VDAC2: variants seen among roughly 807,000 people sequenced by gnomAD.
The protein encoded by VDAC2 is non-selective voltage-gated ion channel VDAC2.
VDAC2 carries 6 observed loss-of-function variants against 36.6 expected under a neutral mutation model. The ratio of observed to expected loss-of-function variants is 0.16; its 90% CI spans 0.09 to 0.32. The LOEUF (loss-of-function observed/expected upper bound fraction) is 0.32. VDAC2 is among the 10% of genes least tolerant of loss of function. VDAC2 has a pLI of 1.00. For missense variants in VDAC2, 247 were observed against 346.0 expected (o/e 0.71, Z 2.27); for synonymous variants, 109 against 123.8 (o/e 0.88, Z 0.79).
chr10:75,223,945 A>G (rs574942018), intron 8 of VDAC2, among the ~76,000 whole-genome samples: 4 of 152,324 alleles, frequency 2.6e-5, no homozygotes, highest in South Asian at 2.1e-4. Flanking sequence ...GTCCCTTCCT[A>G]TGTTTTGCAC....
At chr10:75,228,063 T>A (rs1842010502) in intron 8 of VDAC2, among the ~76,000 whole-genome samples, 1 of 151,342 alleles carries the variant, frequency 6.6e-6, no homozygotes, top group Admixed American at 6.6e-5. Context: ...CCCGGCTAAT[T>A]TTTTGTATTT....
intron 8 of VDAC2, among the ~76,000 whole-genome samples, chr10:75,229,129 G>C (rs936084558): frequency 1.2e-4 from 18 of 151,612 alleles, no homozygotes; most frequent in Admixed American, 8.5e-4. Flanking sequence ...TGTTTGATCT[G>C]ATTCTTCAGA....
intron 4 of VDAC2, among the ~76,000 whole-genome samples, chr10:75,215,655 A>G (rs867023746): frequency 2.0e-5 from 3 of 151,722 alleles, no homozygotes; most frequent in Non-Finnish European, 2.9e-5. Context: ...CCCGGCCTAT[A>G]TAGACATTTT....
rs576776850 is a variant in VDAC2, at chr10:75,213,891, G to A, written c.101-130G>A. The A allele has an allele frequency of 2.2e-5, 18 of 833,502 alleles. No homozygotes were observed. In the African/African-American group the frequency reaches 2.8e-4, roughly 13 times the overall value. The allele number at this position is 833,502 out of a possible 1,614,324, so 51.6% of individuals were successfully genotyped here. On this transcript the variant is annotated intron_variant, in intron 3 of 9. Coordinates refer to ENST00000332211, the MANE Select transcript of VDAC2 (RefSeq NM_001391963.1). ...TTTGTAACAATTTCATTTAAATATT[G>A]TATATTAACACATTTTTATCCACCT...
At chr10:75,219,493 A>C in intron 6 of VDAC2, 137 bp downstream of exon 6, 2 of 736,974 alleles carry the variant, frequency 2.7e-6, no homozygotes, top group Non-Finnish European at 4.3e-6. Flanking sequence ...GCTTTTATTT[A>C]TTTATTTGAG....
chr10:75,225,796 TTTTTG>T (rs145911980), intron 8 of VDAC2, among the ~76,000 whole-genome samples: 1,640 of 151,914 alleles, frequency 0.011, 34 homozygotes, highest in African/African-American at 0.037. Flanking sequence ...GAGTAGGTTT[TTTTTG>T]TTTTGTTTTG....
At chr10:75,223,678 T>C (rs1841882509) in intron 8 of VDAC2, among the ~76,000 whole-genome samples, 1 of 152,222 alleles carries the variant, frequency 6.6e-6, no homozygotes, top group South Asian at 2.1e-4. Context: ...TATCTTTTTG[T>C]ATGCTAATGA....
At chr10:75,227,181 T>G (rs547128333) in intron 8 of VDAC2, among the ~76,000 whole-genome samples, 1 of 152,318 alleles carries the variant, frequency 6.6e-6, no homozygotes, top group Non-Finnish European at 1.5e-5. Context: ...CTTTAAAATA[T>G]CCTATATAAC....
rs191282693 is a variant in VDAC2 at position 75,211,653 on chromosome 10, C to T, written c.31+464C>T. The T allele has an allele frequency of 1.6e-4, 254 of 1,550,508 alleles. No homozygotes were observed. In the African/African-American group the frequency reaches 3.0e-3, roughly 18 times the overall value. On this transcript the variant is annotated intron_variant, in intron 2 of 9. Coordinates refer to ENST00000332211, the MANE Select transcript of VDAC2 (RefSeq NM_001391963.1). The stretch of plus-strand genomic sequence containing the variant: ...CAGCATTGGCCGAGGACTTGAGAGT[C>T]ACATTAGTAAGTTTGAAGCGCTATT...
Position 75,222,325 on chromosome 10 carries a change from G to T in VDAC2, c.658G>T (p.Ala220Ser), listed in dbSNP as rs1387562577. The T allele has an allele frequency of 3.1e-6, 5 of 1,613,972 alleles. No individual in the cohort carries two copies. The highest frequency in any genetic ancestry group is 4.2e-6 in the Non-Finnish European group (5 of 1,179,988). Residue 220 changes from alanine (A) to serine (S), a missense_variant, in exon 8 of 10, where the codon GCT becomes TCT. Coordinates refer to ENST00000332211, the MANE Select transcript of VDAC2 (RefSeq NM_001391963.1). Reference protein sequence around the residue: ...CEDLDTSVNLAWTSGTNCTRF... With the variant: ...CEDLDTSVNLSWTSGTNCTRF... Reference sequence around the variant, plus strand: ...AGATCTTGACACTTCAGTAAACCTTGCTTGGACATCAGGTACCAACTGCAC... The same window carrying T: ...AGATCTTGACACTTCAGTAAACCTTTCTTGGACATCAGGTACCAACTGCAC...
At position 75,228,232 on chromosome 10, in the gene VDAC2, T is replaced by C. The variant is rs145469108; in HGVS notation, c.736-1412T>C. On this transcript the variant is annotated intron_variant, in intron 8 of 9. Transcript: ENST00000332211. ...TCTATCCAGCTGTCTGAGGCTCTTA[T>C]TTGTAGGGTACAAGATGGTCATTAG... Among the ~76,000 whole-genome samples, 22 of 151,772 alleles carry C rather than the reference T, an allele frequency of 1.4e-4. No individual in the cohort carries two copies. In the East Asian group the frequency reaches 4.1e-3, roughly 29 times the overall value.
intron 9 of VDAC2, 44 bp from the exon 10 acceptor site, chr10:75,230,854 G>T: frequency 6.5e-7 from 1 of 1,548,024 alleles, no homozygotes; most frequent in Non-Finnish European, 8.9e-7. Context: ...TGACGTGCCA[G>T]GTACATCACG....
In VDAC2 at chr10:75,219,311, A is replaced by C. The variant is rs1841723508; in HGVS notation, c.311A>C (p.Gln104Pro). 1.9e-6 allele frequency: 3 copies of C among 1,596,480 alleles called. No homozygotes were observed. Among genetic ancestry groups the C allele is most frequent in the South Asian group, 2.3e-5 (2 of 86,024 alleles). The part of the protein sequence containing the change: ...TEIAIEDQIC[Q>P]GLKLTFDTTF... The stretch of plus-strand genomic sequence containing the variant: ...ACTTTTCTTTCAAAATAGATTTGTC[A>C]AGGTTTGAAACTGACATTTGATACT... Residue 104 changes from glutamine to proline, a missense_variant, in exon 6 of 10, where the codon CAA (glutamine) becomes CCA (proline). Physicochemically the swap from Gln to Pro is moderately conservative, Grantham distance 76. This residue lies in a region of VDAC2 where 159 missense variants were observed against 234.0 expected (regional missense o/e 0.68). Transcript: ENST00000332211.
chr10:75,214,437 G>T (rs952204573), intron 4 of VDAC2, among the ~76,000 whole-genome samples: 1 of 152,176 alleles, frequency 6.6e-6, no homozygotes, highest in African/African-American at 2.4e-5. Context: ...TAATTTGAGT[G>T]TACTAATCAT....
intron 8 of VDAC2, among the ~76,000 whole-genome samples, chr10:75,227,902 T>C (rs111263055): frequency 0.014 from 2,140 of 148,706 alleles, 58 homozygotes; most frequent in African/African-American, 0.047. Flanking sequence ...TTCTTTCTTT[T>C]TTTTTTTTTT....
chr10:75,220,459 T>C (rs865982132), intron 6 of VDAC2, among the ~76,000 whole-genome samples: 3 of 152,230 alleles, frequency 2.0e-5, no homozygotes, highest in South Asian at 2.1e-4. Context: ...TGCCTTCAAA[T>C]ATTTGCCTCT....
chr10:75,215,190 A>G (rs1038989903), intron 4 of VDAC2, among the ~76,000 whole-genome samples: 1 of 152,150 alleles, frequency 6.6e-6, no homozygotes, highest in Non-Finnish European at 1.5e-5. Context: ...CTGGGATTAC[A>G]GATGTGAGCC....
intron 4 of VDAC2, among the ~76,000 whole-genome samples, chr10:75,217,473 G>T (rs773686171): frequency 5.3e-5 from 8 of 152,106 alleles, no homozygotes; most frequent in Non-Finnish European, 7.3e-5. Context: ...AGGTTCTCAG[G>T]TTCAAGTGAT....
intron 4 of VDAC2, among the ~76,000 whole-genome samples, chr10:75,215,963 C>G (rs1197119371): frequency 6.6e-6 from 1 of 152,162 alleles, no homozygotes; most frequent in African/African-American, 2.4e-5. Context: ...CTCAAGTGAT[C>G]CCAAAGTGTT....
Sources: allele counts gnomAD v4.1 joint callset (sites outside exome capture counted in the v4.1 genomes callset), GRCh38; gene constraint gnomAD v4.1.1; regional missense constraint gnomAD v4.1.1; transcripts MANE v1.5; gene names NCBI Gene and HGNC (gene_info 2026-07-23, HGNC 2026-07-21).